PTPRG: variants seen among roughly 807,000 people sequenced by gnomAD.
PTPRG encodes receptor-type tyrosine-protein phosphatase gamma.
A neutral mutation model predicts 165.3 loss-of-function variants in PTPRG; 102 were observed. The ratio of observed to expected loss-of-function variants is 0.62; its 90% confidence interval spans 0.53 to 0.73. PTPRG has a LOEUF of 0.73. Ranked by LOEUF, PTPRG falls within the 30% of genes least tolerant of loss-of-function variation. The pLI is 0.00. For missense variants in PTPRG, 1,866 were observed against 1,861.4 expected (o/e 1.00, Z -0.05); for synonymous variants, 675 against 669.5 (o/e 1.01, Z -0.13).
chr3:62,286,275 G>GGAAGGCTTTCATGTTGTCTTCTTCC, intron 28 of PTPRG, among the ~76,000 whole-genome samples: 1 of 152,184 alleles, frequency 6.6e-6, no homozygotes, highest in Non-Finnish European at 1.5e-5. Context: ...AGAGCCTTAT[G>GGAAGGCTTTCATGTTGTCTTCTTCC]GAAGGCTTTC....
At chr3:61,693,264 T>G (rs921519557) in intron 1 of PTPRG, among the ~76,000 whole-genome samples, 15 of 152,336 alleles carry the variant, frequency 9.8e-5, no homozygotes, top group Admixed American at 5.2e-4. Context: ...ATAAATGACT[T>G]TTATGTTCCC....
intron 2 of PTPRG, among the ~76,000 whole-genome samples, chr3:61,943,326 C>T (rs146299651): frequency 2.0e-5 from 3 of 152,314 alleles, no homozygotes; most frequent in East Asian, 1.9e-4. Context: ...TGGTGGCTCA[C>T]GCCTATAATC....
At chr3:61,742,423 T>TTTTAAATG in intron 1 of PTPRG, 3 of 1,283,574 alleles carry the variant, frequency 2.3e-6, no homozygotes, top group Non-Finnish European at 3.1e-6. Flanking sequence ...TTTTTTTTTT[T>TTTTAAATG]GAACTGGTAA....
At chr3:62,099,557 A>T (rs747936329) in intron 5 of PTPRG, among the ~76,000 whole-genome samples, 1 of 152,080 alleles carries the variant, frequency 6.6e-6, no homozygotes, top group Non-Finnish European at 1.5e-5. Flanking sequence ...ATGTTCTTAC[A>T]CAGAAAGGTG....
intron 15 of PTPRG, among the ~76,000 whole-genome samples, chr3:62,249,773 A>T (rs1701369951): frequency 6.6e-6 from 1 of 152,196 alleles, no homozygotes; most frequent in East Asian, 1.9e-4. Flanking sequence ...TTTCCAAGTA[A>T]CTGAAGCCTA....
rs189126589 is a variant in PTPRG, at chr3:61,709,634, A to G, written c.86-39244A>G. Among the ~76,000 whole-genome samples the G allele has an allele frequency of 6.8e-4, 103 of 152,286 alleles. 1 individual carries two copies. Among genetic ancestry groups the G allele is most frequent in the African/African-American group, 2.4e-3 (100 of 41,560 alleles). On this transcript the variant is annotated intron_variant, in intron 1 of 29. Coordinates refer to ENST00000474889, the MANE Select transcript of PTPRG (RefSeq NM_002841.4). ...CCCGCCTTAAATGGTTGCATTTTAAATGGTTCCATAAATACCTACCTAATC... is the reference window on the plus strand; with the variant it reads ...CCCGCCTTAAATGGTTGCATTTTAAGTGGTTCCATAAATACCTACCTAATC...
chr3:61,776,405 G>A (rs558666986), intron 2 of PTPRG, among the ~76,000 whole-genome samples: 7 of 152,120 alleles, frequency 4.6e-5, no homozygotes, highest in East Asian at 1.9e-4. Context: ...CAACACAGGC[G>A]CTTTCCCCTG....
chr3:61,638,094 A>G (rs1335111964), intron 1 of PTPRG, among the ~76,000 whole-genome samples: 3 of 152,158 alleles, frequency 2.0e-5, no homozygotes, highest in South Asian at 2.1e-4. Context: ...TAACTCTTCA[A>G]CTGCTGTTTT....
chr3:61,879,207 C>T (rs1004250619), intron 2 of PTPRG, among the ~76,000 whole-genome samples: 3 of 152,046 alleles, frequency 2.0e-5, no homozygotes, highest in African/African-American at 4.8e-5. Flanking sequence ...GATCAGACAC[C>T]CTGAGTGTTG....
At chr3:62,063,439 G>A (rs1469858413) in intron 4 of PTPRG, among the ~76,000 whole-genome samples, 1 of 152,120 alleles carries the variant, frequency 6.6e-6, no homozygotes, top group Non-Finnish European at 1.5e-5. Context: ...GGGCAGCCTT[G>A]TTTTGCTCTC....
At chr3:62,236,308 C>G (rs535854212) in intron 14 of PTPRG, among the ~76,000 whole-genome samples, 2 of 152,264 alleles carry the variant, frequency 1.3e-5, no homozygotes, top group South Asian at 4.1e-4. Context: ...TTTCTTGAAA[C>G]ATTTTGCCCT....
intron 1 of PTPRG, among the ~76,000 whole-genome samples, chr3:61,658,194 G>A (rs928766990): frequency 5.9e-5 from 9 of 152,326 alleles, no homozygotes; most frequent in South Asian, 4.1e-4. Context: ...CAGGGGCTGC[G>A]AAAGTTGCCA....
chr3:61,829,321 G>A (rs1334104064), intron 2 of PTPRG, among the ~76,000 whole-genome samples: 4 of 152,246 alleles, frequency 2.6e-5, no homozygotes, highest in South Asian at 2.1e-4. Flanking sequence ...AATAATGACC[G>A]TTATTTATCA....
At chr3:62,004,197 T>A (rs190630326) in intron 4 of PTPRG, among the ~76,000 whole-genome samples, 1 of 152,294 alleles carries the variant, frequency 6.6e-6, no homozygotes, top group East Asian at 1.9e-4. Flanking sequence ...TTTCCTCTAA[T>A]CATGATTGTT....
chr3:61,848,877 GTAATTCAAT>G (rs2036879196), intron 2 of PTPRG, among the ~76,000 whole-genome samples: 1 of 152,216 alleles, frequency 6.6e-6, no homozygotes, highest in Non-Finnish European at 1.5e-5. Flanking sequence ...AAAGAGGCAG[GTAATTCAAT>G]TCATCTTCAC....
rs551741296 is a variant in PTPRG at position 62,038,120 on chromosome 3, A to G, written c.519+34623A>G. Among the ~76,000 whole-genome samples, 3 of 152,122 alleles carry G rather than the reference A, an allele frequency of 2.0e-5. No individual in the cohort carries two copies. In the South Asian group the frequency reaches 6.2e-4, roughly 31 times the overall value. On this transcript the variant is annotated intron_variant, in intron 4 of 29. Coordinates refer to ENST00000474889, the MANE Select transcript of PTPRG (RefSeq NM_002841.4). The stretch of plus-strand genomic sequence containing the variant: ...CAAGTTACTTAACCTTTCTTTGCCT[A>G]TTTTCTGACCTACTAAATAGGGATA...
At chr3:62,147,863 A>G (rs1403965271) in intron 6 of PTPRG, among the ~76,000 whole-genome samples, 1 of 152,206 alleles carries the variant, frequency 6.6e-6, no homozygotes, top group African/African-American at 2.4e-5. Context: ...TGATGCAGAA[A>G]GTTAATAACA....
chr3:61,753,890 C>T (rs1437066299), intron 2 of PTPRG, among the ~76,000 whole-genome samples: 1 of 152,082 alleles, frequency 6.6e-6, no homozygotes, highest in Non-Finnish European at 1.5e-5. Context: ...GCCACCACAC[C>T]CGGCCAGAGG....
chr3:61,991,617 T>C (rs2040892479), intron 3 of PTPRG, among the ~76,000 whole-genome samples: 1 of 152,204 alleles, frequency 6.6e-6, no homozygotes, highest in Non-Finnish European at 1.5e-5. Context: ...TTAAATATGG[T>C]GTTCTTAGGA....
Sources: allele counts gnomAD v4.1 joint callset (sites outside exome capture counted in the v4.1 genomes callset), GRCh38; gene constraint gnomAD v4.1.1; transcripts MANE v1.5; gene names NCBI Gene and HGNC (gene_info 2026-07-23, HGNC 2026-07-21).